The following FKBP6 variants were observed in gnomAD, a reference collection of about 807,000 sequenced individuals.
The protein encoded by FKBP6 is FKBP prolyl isomerase family member 6 (inactive).
Under a neutral mutation model 41.7 loss-of-function variants are expected in FKBP6, and 29 were observed. The ratio of observed to expected loss-of-function variants is 0.70; its 90% CI spans 0.52 to 0.95. The LOEUF (loss-of-function observed/expected upper bound fraction) is 0.95. FKBP6 is among the 40% of genes least tolerant of loss of function. FKBP6 has a pLI of 0.00. For synonymous variants in FKBP6, 130 were observed against 165.1 expected (o/e 0.79, Z 1.63); for missense variants, 338 against 408.7 (o/e 0.83, Z 1.49).
chr7:73,352,396 T>C (rs1196900857), intron 8 of FKBP6, among the ~76,000 whole-genome samples: 5 of 152,170 alleles, frequency 3.3e-5, no homozygotes, highest in Admixed American at 6.5e-5. Flanking sequence ...GCATACATAA[T>C]CCCAAACACC....
intron 8 of FKBP6, among the ~76,000 whole-genome samples, chr7:73,344,474 A>G (rs1002950793): frequency 6.6e-6 from 1 of 152,164 alleles, no homozygotes; most frequent in Non-Finnish European, 1.5e-5. Flanking sequence ...GATAAGTTTT[A>G]GCTTTTGTGT....
At chr7:73,337,542 G>A (rs1293209540) in intron 5 of FKBP6, among the ~76,000 whole-genome samples, 2 of 151,940 alleles carry the variant, frequency 1.3e-5, no homozygotes, top group Admixed American at 1.3e-4. Flanking sequence ...TTGAACTCCT[G>A]ACCTCAGGTG....
At chr7:73,349,969 C>T (rs1805444604) in intron 8 of FKBP6, among the ~76,000 whole-genome samples, 1 of 152,142 alleles carries the variant, frequency 6.6e-6, no homozygotes. Context: ...CGAGAATCCC[C>T]AGCCACCAGT....
At position 73,342,915 on chromosome 7, in the gene FKBP6, G is replaced by T; in HGVS notation, c.*2+16G>T. The T allele has an allele frequency of 6.3e-7, 1 of 1,576,508 alleles. No homozygotes were observed. The highest frequency in any genetic ancestry group is 1.1e-5 in the South Asian group (1 of 90,286). On this transcript the variant is annotated intron_variant, in intron 8 of 8. Coordinates refer to ENST00000252037, the MANE Select transcript of FKBP6 (RefSeq NM_003602.5). ...AAAGTTGAAGGTAATCAAAGGGCCA[G>T]GGTGGCACACAGGCTTCCGGATGGA...
At chr7:73,342,957 C>T in intron 8 of FKBP6, 58 bp downstream of exon 8, 2 of 1,148,824 alleles carry the variant, frequency 1.7e-6, no homozygotes, top group Non-Finnish European at 2.6e-6. Context: ...TGCTGCTCTC[C>T]TCCACCCCCA....
intron 7 of FKBP6, 57 bp downstream of exon 7, chr7:73,341,439 G>A: frequency 9.5e-7 from 1 of 1,056,450 alleles, no homozygotes; most frequent in Non-Finnish European, 1.5e-6. Context: ...ACTCTGGTCT[G>A]TCCCCCCACC....
chr7:73,341,348 C>A lies in FKBP6; in HGVS notation c.859C>A (p.His287Asn), dbSNP rs201862819. Residue 287 changes from histidine (H) to asparagine (N), a missense_variant, in exon 7 of 9, where the codon CAT becomes AAT. By Grantham distance (68) the His-to-Asn change is moderately conservative (BLOSUM62 1). This residue lies in a region of FKBP6 where 239 missense variants were observed against 250.1 expected (regional missense o/e 0.96). Coordinates refer to ENST00000252037, the MANE Select transcript of FKBP6 (RefSeq NM_003602.5). ...VRAQKEQPFN[H>N]DINNELKKLA... ...AGCCCAGAAGGAGCAACCCTTCAAT[C>A]ATGACATCAATAATGAGCTGAAGAA... 542 of 1,612,452 alleles carry A rather than the reference C, an allele frequency of 3.4e-4. 3 individuals are homozygous for A. Among genetic ancestry groups the A allele is most frequent in the Middle Eastern group, 3.3e-3 (20 of 6,080 alleles).
intron 8 of FKBP6, among the ~76,000 whole-genome samples, chr7:73,344,768 A>G (rs1317052950): frequency 6.6e-6 from 1 of 151,678 alleles, no homozygotes; most frequent in African/African-American, 2.4e-5. Context: ...TATTTTTAGT[A>G]GAGACAGGGT....
At chr7:73,333,946 C>T (rs1414923498) in intron 5 of FKBP6, among the ~76,000 whole-genome samples, 1 of 152,000 alleles carries the variant, frequency 6.6e-6, no homozygotes, top group Non-Finnish European at 1.5e-5. Flanking sequence ...TTGGTGGGTG[C>T]CCATAGTCCC....
Position 73,328,625 on chromosome 7 carries a change from G to A in FKBP6, c.108G>A (p.Arg36=), listed in dbSNP as rs1554546828. The A allele has an allele frequency of 6.2e-7, 1 of 1,611,044 alleles. No homozygotes were observed. ...SQRMLDISGD[R]GVLKDVIREG... ...GGATGCTGGACATCTCGGGGGACCG[G>A]GGCGTGCTGAAGGACGTCATCCGAG... is the stretch of plus-strand genomic sequence containing the variant. The change falls in exon 2 of 9, where the codon CGG becomes CGA. Residue 36 remains arginine, a synonymous_variant. Coordinates refer to ENST00000252037, the MANE Select transcript of FKBP6 (RefSeq NM_003602.5).
At chr7:73,334,752 T>G (rs1554548254) in intron 5 of FKBP6, among the ~76,000 whole-genome samples, 1 of 152,252 alleles carries the variant, frequency 6.6e-6, no homozygotes, top group Non-Finnish European at 1.5e-5. Context: ...TTTTTCTGTT[T>G]GGTTTTTCTA....
chr7:73,353,526 C>T (rs1805547586), intron 8 of FKBP6, among the ~76,000 whole-genome samples: 1 of 152,170 alleles, frequency 6.6e-6, no homozygotes, highest in South Asian at 2.1e-4. Flanking sequence ...CTTCTGGTGG[C>T]TGGGGCCTGA....
chr7:73,347,705 C>T (rs1235925206), intron 8 of FKBP6, among the ~76,000 whole-genome samples: 1 of 152,196 alleles, frequency 6.6e-6, no homozygotes, highest in Non-Finnish European at 1.5e-5. Flanking sequence ...GGTGCAGTGG[C>T]ATGATCATAG....
chr7:73,345,419 T>C (rs545767908), intron 8 of FKBP6, among the ~76,000 whole-genome samples: 1 of 152,098 alleles, frequency 6.6e-6, no homozygotes, highest in South Asian at 2.1e-4. Flanking sequence ...TCCTCCCTAA[T>C]GGAGTGAGAG....
At chr7:73,348,602 G>A (rs1805400939) in intron 8 of FKBP6, among the ~76,000 whole-genome samples, 1 of 152,142 alleles carries the variant, frequency 6.6e-6, no homozygotes, top group African/African-American at 2.4e-5. Flanking sequence ...TGGACTTAGT[G>A]CATACTCCAC....
chr7:73,348,299 C>T (rs1046982525), intron 8 of FKBP6, among the ~76,000 whole-genome samples: 1 of 152,048 alleles, frequency 6.6e-6, no homozygotes, highest in Non-Finnish European at 1.5e-5. Flanking sequence ...CCACACCTTT[C>T]CCCCCCTTCT....
intron 1 of FKBP6, 44 bp downstream of exon 1, chr7:73,328,529 C>T (rs1554546757): frequency 1.3e-6 from 2 of 1,553,984 alleles, no homozygotes; most frequent in Admixed American, 3.8e-5. Flanking sequence ...TGAGGGGTGG[C>T]CGGGTGGGTC....
At chr7:73,332,277 A>T (rs1262722034) in intron 5 of FKBP6, among the ~76,000 whole-genome samples, 3 of 151,796 alleles carry the variant, frequency 2.0e-5, no homozygotes, top group African/African-American at 7.3e-5. Flanking sequence ...TGAGGTCAGG[A>T]GTTTGAGACC....
intron 8 of FKBP6, among the ~76,000 whole-genome samples, chr7:73,357,213 G>C (rs1015833945): frequency 2.0e-5 from 3 of 151,180 alleles, no homozygotes; most frequent in Admixed American, 2.0e-4. Context: ...CTTTGGCTGA[G>C]CTGTATTTTT....
Sources: allele counts gnomAD v4.1 joint callset (sites outside exome capture counted in the v4.1 genomes callset), GRCh38; gene constraint gnomAD v4.1.1; regional missense constraint gnomAD v4.1.1; transcripts MANE v1.5; gene names NCBI Gene and HGNC (gene_info 2026-07-23, HGNC 2026-07-21).